PARPBP: variants seen among roughly 807,000 people sequenced by gnomAD.
PARPBP encodes PARP1 binding protein.
A neutral mutation model predicts 50.0 loss-of-function variants in PARPBP; 52 were observed. The observed-to-expected ratio is 1.04, with a 90% CI of 0.83 to 1.31. The LOEUF (loss-of-function observed/expected upper bound fraction) is 1.31. PARPBP is among the 50% of genes most tolerant of loss of function. PARPBP has a pLI of 0.00. For missense variants in PARPBP, 697 were observed against 672.0 expected (o/e 1.04, Z -0.41); for synonymous variants, 244 against 232.1 (o/e 1.05, Z -0.47).
At chr12:102,188,781 A>G (rs1168690297) in intron 9 of PARPBP, among the ~76,000 whole-genome samples, 1 of 152,170 alleles carries the variant, frequency 6.6e-6, no homozygotes, top group East Asian at 1.9e-4. Context: ...TAATTGGAGG[A>G]AAAGATGGTC....
rs561614535 is a variant in PARPBP, at chr12:102,137,220, T to G, written c.154-11010T>G. ...CACCCGCCTCGGCCTCCCAAAGTGC[T>G]AAAATTACAGGCGTGAACCACCACG... On this transcript the variant is annotated intron_variant, in intron 2 of 10. Transcript: ENST00000327680. 9.2e-5 allele frequency among the ~76,000 whole-genome samples: 14 copies of G among 152,334 alleles called. No homozygotes were observed. The East Asian group carries it at 2.5e-3, about 27-fold the overall frequency.
intron 2 of PARPBP, among the ~76,000 whole-genome samples, chr12:102,147,239 T>C (rs890500064): frequency 3.9e-4 from 60 of 152,184 alleles, no homozygotes; most frequent in African/African-American, 1.3e-3. Flanking sequence ...GGACTATAAA[T>C]CATGCTGCTG....
At chr12:102,123,165 C>G (rs1475913447) in intron 1 of PARPBP, among the ~76,000 whole-genome samples, 1 of 152,196 alleles carries the variant, frequency 6.6e-6, no homozygotes, top group East Asian at 1.9e-4. Context: ...CATCCACTGT[C>G]TGACATGTAC....
At chr12:102,154,966 TA>T (rs1886682624) in intron 4 of PARPBP, 6 of 350,914 alleles carry the variant, frequency 1.7e-5, no homozygotes, top group South Asian at 1.4e-4. Context: ...TCCCATATCT[TA>T]AACCAGAGAC....
At chr12:102,164,968 T>C (rs1452632801) in intron 5 of PARPBP, among the ~76,000 whole-genome samples, 1 of 152,162 alleles carries the variant, frequency 6.6e-6, no homozygotes, top group Admixed American at 6.5e-5. Context: ...AATCCATGAT[T>C]GTATATAAGA....
At chr12:102,120,786 C>A (rs1056260793) in intron 1 of PARPBP, among the ~76,000 whole-genome samples, 1 of 152,172 alleles carries the variant, frequency 6.6e-6, no homozygotes, top group Non-Finnish European at 1.5e-5. Context: ...GGTAGGAATT[C>A]CCTTCCTGGT....
intron 2 of PARPBP, among the ~76,000 whole-genome samples, chr12:102,130,404 T>C (rs1423400722): frequency 2.6e-5 from 4 of 151,958 alleles, no homozygotes; most frequent in African/African-American, 9.7e-5. Context: ...CTAATTAAAC[T>C]AGAGAGCTTC....
chr12:102,196,831 ATTT>A lies in PARPBP; in HGVS notation c.*541_*543del. On this transcript the variant is annotated 3_prime_UTR_variant, in exon 11 of 11. Coordinates refer to ENST00000327680, the MANE Select transcript of PARPBP (RefSeq NM_017915.5). ...AAAATGATAATAATTAATTGTTGCT[ATTT>A]AATCCCACATTTTTGGCAGGTGTAA... 9.7e-7 allele frequency: 1 copy of A among 1,035,040 alleles called. No individual in the cohort carries two copies. Among genetic ancestry groups the A allele is most frequent in the Non-Finnish European group, 1.5e-6 (1 of 683,598 alleles). 64.1% of individuals were successfully genotyped at this position (1,035,040 alleles called of 1,614,324 possible). A position where few individuals can be genotyped will look rare whatever the true frequency, so the allele number is the denominator to read the frequency against.
At chr12:102,125,158 T>C (rs1881788273) in intron 2 of PARPBP, among the ~76,000 whole-genome samples, 2 of 152,198 alleles carry the variant, frequency 1.3e-5, no homozygotes, top group African/African-American at 4.8e-5. Flanking sequence ...ATATTGAGTT[T>C]TTACTGTGTG....
chr12:102,148,878 A>G (rs1885802153), intron 3 of PARPBP: 1 of 156,276 alleles, frequency 6.4e-6, no homozygotes, highest in Admixed American at 6.5e-5. Context: ...TTTACTACAT[A>G]TAGGTATCAT....
chr12:102,121,454 G>A (rs1179773160), intron 1 of PARPBP, among the ~76,000 whole-genome samples: 1 of 151,440 alleles, frequency 6.6e-6, no homozygotes, highest in African/African-American at 2.4e-5. Flanking sequence ...GAGTAGTTGT[G>A]CATGCCTCAA....
At chr12:102,181,365 T>C (rs1275153833) in intron 8 of PARPBP, among the ~76,000 whole-genome samples, 1 of 152,222 alleles carries the variant, frequency 6.6e-6, no homozygotes, top group East Asian at 1.9e-4. Flanking sequence ...ATGGGATACA[T>C]TCTGATAAAG....
chr12:102,184,772 A>G (rs1262667863), intron 9 of PARPBP, among the ~76,000 whole-genome samples: 1 of 152,194 alleles, frequency 6.6e-6, no homozygotes, highest in African/African-American at 2.4e-5. Flanking sequence ...AACCAGGTAT[A>G]CAACTGAACC....
chr12:102,157,997 G>A (rs1404131568), intron 4 of PARPBP, among the ~76,000 whole-genome samples: 2 of 151,738 alleles, frequency 1.3e-5, no homozygotes, highest in Non-Finnish European at 2.9e-5. Context: ...GTGGGCGCCT[G>A]TAGTCCCAGC....
chr12:102,120,574 G>C, intron 1 of PARPBP: 1 of 451,608 alleles, frequency 2.2e-6, no homozygotes, highest in Non-Finnish European at 4.5e-6. Context: ...CAGGAAACCT[G>C]GGTTCTAGTC....
At chr12:102,145,722 A>G (rs1885250887) in intron 2 of PARPBP, among the ~76,000 whole-genome samples, 1 of 152,216 alleles carries the variant, frequency 6.6e-6, no homozygotes, top group Non-Finnish European at 1.5e-5. Context: ...ATTCTGTCAA[A>G]AAAGAGAAAG....
chr12:102,143,539 G>T (rs1884947817), intron 2 of PARPBP, among the ~76,000 whole-genome samples: 2 of 152,212 alleles, frequency 1.3e-5, no homozygotes, highest in South Asian at 4.1e-4. Flanking sequence ...TGGAAATGCA[G>T]AAATCACTCA....
intron 7 of PARPBP, among the ~76,000 whole-genome samples, chr12:102,176,341 T>A (rs1889279740): frequency 6.6e-6 from 1 of 152,204 alleles, no homozygotes; most frequent in Non-Finnish European, 1.5e-5. Flanking sequence ...AAAGCCTGTT[T>A]TTTCTGTTTC....
At chr12:102,151,460 T>C in intron 3 of PARPBP, 1 of 708,360 alleles carries the variant, frequency 1.4e-6, no homozygotes, top group Non-Finnish European at 2.4e-6. Flanking sequence ...AAATGGTCCT[T>C]AGTTGGAGCC....
Sources: gnomAD v4.1 joint callset for allele counts (sites outside exome capture counted in the v4.1 genomes callset) on GRCh38, gnomAD v4.1.1 for gene constraint, MANE v1.5 for transcripts, NCBI Gene and HGNC (gene_info 2026-07-23, HGNC 2026-07-21) for gene names.